KIF26B: variants seen among roughly 807,000 people sequenced by gnomAD.
The protein encoded by KIF26B is kinesin-like protein KIF26B.
KIF26B carries 63 observed loss-of-function variants against 151.2 expected under a neutral mutation model. That is an observed-to-expected ratio of 0.42 (90% CI 0.34 to 0.51). The LOEUF (loss-of-function observed/expected upper bound fraction) is 0.51, where lower values mean the gene tolerates loss of function less well. Ranked by LOEUF, KIF26B falls within the 20% of genes least tolerant of loss-of-function variation. The pLI, the probability that KIF26B is intolerant of heterozygous loss-of-function variation, is 0.07. For synonymous variants in KIF26B, 1,357 were observed against 1,262.1 expected, an observed-to-expected ratio of 1.08 and a Z score of -1.59; for missense variants, 2,813 against 2,913.6, an observed-to-expected ratio of 0.97 and a Z score of 0.79.
At chr1:245,255,378 A>T (rs1670513875) in intron 2 of KIF26B, among the ~76,000 whole-genome samples, 1 of 152,232 alleles carries the variant, frequency 6.6e-6, no homozygotes, top group South Asian at 2.1e-4. Flanking sequence ...TGTCCTTTGG[A>T]GGAGAAGTCT....
At chr1:245,356,386 T>A (rs1447486468) in intron 2 of KIF26B, among the ~76,000 whole-genome samples, 1 of 151,990 alleles carries the variant, frequency 6.6e-6, no homozygotes, top group Non-Finnish European at 1.5e-5. Context: ...TGAAACTCCG[T>A]CTCTACTAAA....
chr1:245,646,222 T>C lies in KIF26B; in HGVS notation c.2200T>C (p.Ser734Pro). 1 of 1,614,020 alleles carries C rather than the reference T, an allele frequency of 6.2e-7. No homozygotes were observed. The highest frequency in any genetic ancestry group is 8.5e-7 in the Non-Finnish European group (1 of 1,179,886). Reference protein sequence around the residue: ...EGGSGLCLSLSALGNVILALV... With the variant: ...EGGSGLCLSLPALGNVILALV... ...AGGCTCAGGGCTGTGTCTCTCGCTG[T>C]CTGCTCTGGGCAATGTCATCCTGGC... The change falls in exon 10 of 15, where the codon TCT becomes CCT. Residue 734 changes from serine (S) to proline (P), a missense_variant. Ser to Pro is a moderately conservative substitution (Grantham distance 74). Around this residue, in one of 3 missense-constraint regions of KIF26B, gnomAD observed 2,060 missense variants for 2,088.6 expected, o/e 0.99. Transcript: ENST00000407071.
chr1:245,485,064 C>T (rs1468602688), intron 4 of KIF26B, among the ~76,000 whole-genome samples: 1 of 152,166 alleles, frequency 6.6e-6, no homozygotes, highest in African/African-American at 2.4e-5. Flanking sequence ...CATTCTGACA[C>T]ATGCTACAAC....
chr1:245,657,410 A>G (rs10924288), intron 10 of KIF26B, among the ~76,000 whole-genome samples: 88,816 of 152,020 alleles, frequency 0.58, 26,235 homozygotes, highest in Middle Eastern at 0.65. Flanking sequence ...CACCTGCCAT[A>G]TCCACTGTTT....
At chr1:245,553,228 G>A (rs532631806) in intron 5 of KIF26B, among the ~76,000 whole-genome samples, 1 of 152,324 alleles carries the variant, frequency 6.6e-6, no homozygotes, top group African/African-American at 2.4e-5. Context: ...TAAGGAATCT[G>A]CCCAGCATCA....
chr1:245,526,281 A>G (rs537065379), intron 4 of KIF26B, among the ~76,000 whole-genome samples: 2 of 152,300 alleles, frequency 1.3e-5, no homozygotes, highest in South Asian at 4.1e-4. Context: ...TGACGGTAGC[A>G]TAGACAGGAA....
intron 2 of KIF26B, among the ~76,000 whole-genome samples, chr1:245,225,827 A>G (rs1669863028): frequency 6.6e-6 from 1 of 152,222 alleles, no homozygotes; most frequent in Non-Finnish European, 1.5e-5. Flanking sequence ...AAACAATAGC[A>G]TAAAACAGCT....
intron 4 of KIF26B, among the ~76,000 whole-genome samples, chr1:245,449,013 A>C (rs1177723545): frequency 6.6e-6 from 1 of 152,238 alleles, no homozygotes; most frequent in Non-Finnish European, 1.5e-5. Flanking sequence ...CTAATGCCTG[A>C]AACAAGGAGA....
intron 5 of KIF26B, among the ~76,000 whole-genome samples, chr1:245,593,750 G>GAGGAA (rs2043313708): frequency 6.6e-6 from 1 of 152,170 alleles, no homozygotes; most frequent in Non-Finnish European, 1.5e-5. Context: ...TCACCACACT[G>GAGGAA]TCTTCCACAA....
In KIF26B at chr1:245,686,014, G is replaced by C. The variant is rs760038696; in HGVS notation, c.3031G>C (p.Ala1011Pro). 3.1e-6 allele frequency: 5 copies of C among 1,591,492 alleles called. No homozygotes were observed. In the South Asian group the frequency reaches 5.7e-5, roughly 18 times the overall value. ...GAGGAGTCACTCACCTGTGCCCGCCGCGGCACCCGCCCACAGCCCCAGCCC... is the reference window on the plus strand; with the variant it reads ...GAGGAGTCACTCACCTGTGCCCGCCCCGGCACCCGCCCACAGCCCCAGCCC... Reference protein sequence around the residue: ...MQRSHSPVPAAAPAHSPSPAS... With the variant: ...MQRSHSPVPAPAPAHSPSPAS... Residue 1011 changes from alanine (A) to proline (P), a missense_variant, in exon 12 of 15, where the codon GCG becomes CCG. By Grantham distance (27) the Ala-to-Pro change is conservative. Around this residue, in one of 3 missense-constraint regions of KIF26B, gnomAD observed 2,060 missense variants for 2,088.6 expected, o/e 0.99. Transcript: ENST00000407071. The surrounding 1 kb of genome is among the most constrained non-coding windows in gnomAD (Gnocchi z 5.6).
rs796722836 is a variant in KIF26B at position 245,640,160 on chromosome 1, T to TATATATAC, written c.2099-5960_2099-5959insTATATACA. Reference sequence around the variant, plus strand: ...CTCTCTCTCTATATATATATATATATACCCTGCTATTTGGTTATATATATT... The same window carrying TATATATAC: ...CTCTCTCTCTATATATATATATATATATATATACACCCTGCTATTTGGTTATATATATT... On this transcript the variant is annotated intron_variant, in intron 9 of 14. Coordinates refer to ENST00000407071, the MANE Select transcript of KIF26B (RefSeq NM_018012.4). Among the ~76,000 whole-genome samples, 301 of 54,678 alleles carry TATATATAC rather than the reference T, an allele frequency of 5.5e-3. 37 individuals are homozygous for TATATATAC. The highest frequency in any genetic ancestry group is 9.0e-3 in the East Asian group (9 of 996). The allele number at this position is 54,678 out of a possible 152,430, so 35.9% of individuals were successfully genotyped here.
chr1:245,607,154 C>T (rs1201043097), intron 6 of KIF26B, among the ~76,000 whole-genome samples: 1 of 151,534 alleles, frequency 6.6e-6, no homozygotes, highest in African/African-American at 2.4e-5. Flanking sequence ...ATATCACAAA[C>T]CTCTTGCTTA....
At chr1:245,248,160 T>C (rs1419092518) in intron 2 of KIF26B, among the ~76,000 whole-genome samples, 1 of 151,948 alleles carries the variant, frequency 6.6e-6, no homozygotes, top group Admixed American at 6.6e-5. Context: ...GCTGGTAGTA[T>C]ACTTTTATAC....
chr1:245,590,589 C>T (rs773069812), intron 5 of KIF26B, among the ~76,000 whole-genome samples: 8 of 151,862 alleles, frequency 5.3e-5, no homozygotes, highest in South Asian at 2.1e-4. Context: ...GTTGGAAGAC[C>T]TTAGTGTAAC....
intron 12 of KIF26B, among the ~76,000 whole-genome samples, chr1:245,694,127 G>C (rs1049075637): frequency 2.0e-5 from 3 of 152,236 alleles, no homozygotes; most frequent in African/African-American, 7.2e-5. Flanking sequence ...ATCGAGGAGA[G>C]CTTTGTGGCC....
chr1:245,425,567 C>T (rs1294757064), intron 4 of KIF26B, among the ~76,000 whole-genome samples: 2 of 152,080 alleles, frequency 1.3e-5, no homozygotes, highest in African/African-American at 2.4e-5. Flanking sequence ...ACACCACACC[C>T]GGCTAATTTT....
chr1:245,646,342 A>G (rs2043946092), intron 10 of KIF26B, 62 bp downstream of exon 10: 2 of 1,558,388 alleles, frequency 1.3e-6, no homozygotes, highest in Admixed American at 1.8e-5. Flanking sequence ...CGCTTTGTTC[A>G]GTGCCATCTG....
chr1:245,640,122 G>GGTCTCTCTCTCTCTCTCTCTCTCTCTCT (rs2043873858), intron 9 of KIF26B, among the ~76,000 whole-genome samples: 1 of 53,984 alleles, frequency 1.9e-5, no homozygotes, highest in Non-Finnish European at 3.6e-5. Flanking sequence ...ACTAATATTT[G>GGTCTCTCTCTCTCTCTCTCTCTCTCTCT]CTCTCTCTCT....
chr1:245,612,099 TGTGTGTGAGAGA>T (rs1227447158), intron 9 of KIF26B, 123 bp downstream of exon 9: 39 of 589,570 alleles, frequency 6.6e-5, no homozygotes, highest in African/African-American at 5.6e-4. Flanking sequence ...TGTGTGTGTG[TGTGTGTGAGAGA>T]GAGAGAGAGA....
Sources: gnomAD v4.1 joint callset for allele counts (sites outside exome capture counted in the v4.1 genomes callset) on GRCh38, gnomAD v4.1.1 for gene constraint, gnomAD v4.1.1 regional missense constraint, Gnocchi (gnomAD v3.1) non-coding constraint, MANE v1.5 for transcripts, NCBI Gene and HGNC (gene_info 2026-07-23, HGNC 2026-07-21) for gene names.